The following ZBTB41 variants were observed in gnomAD, a reference collection of about 807,000 sequenced individuals.
ZBTB41 encodes zinc finger and BTB domain containing 41.
Under a neutral mutation model 87.6 loss-of-function variants are expected in ZBTB41, and 42 were observed. The ratio of observed to expected loss-of-function variants is 0.48; its 90% confidence interval spans 0.37 to 0.62. ZBTB41 has a LOEUF of 0.62. ZBTB41 is among the 20% of genes least tolerant of loss of function. The pLI, the probability that ZBTB41 is intolerant of heterozygous loss-of-function variation, is 0.00. For synonymous variants in ZBTB41, 364 were observed against 364.0 expected (o/e 1.00, Z 0.00); for missense variants, 799 against 1,078.9 (o/e 0.74, Z 3.63).
In ZBTB41 at chr1:197,176,569, T is replaced by A; in HGVS notation, c.1874A>T (p.His625Leu). 1 of 1,608,034 alleles carries A rather than the reference T, an allele frequency of 6.2e-7. No homozygotes were observed. Among genetic ancestry groups the A allele is most frequent in the Non-Finnish European group, 8.5e-7 (1 of 1,176,128 alleles). ...CATTACAAAATATGGTATACCTGAA[T>A]GTATTTTTTTGTGCTTTGTAAGGTG... is the stretch of plus-strand genomic sequence containing the variant. The part of the protein sequence containing the change: ...HDHLTKHKKI[H>L]SGEKAHQCEE... The change falls in exon 8 of 11, where the codon CAT (histidine) becomes CTT (leucine). Residue 625 changes from histidine to leucine, a missense_variant. His to Leu is a moderately conservative substitution (Grantham distance 99). Coordinates refer to ENST00000367405, the MANE Select transcript of ZBTB41 (RefSeq NM_194314.3).
chr1:197,172,235 A>G lies in ZBTB41; in HGVS notation c.1999T>C (p.Phe667Leu). The G allele has an allele frequency of 2.9e-6, 4 of 1,363,652 alleles. No individual in the cohort carries two copies. Among genetic ancestry groups the G allele is most frequent in the Non-Finnish European group, 3.9e-6 (4 of 1,027,380 alleles). The allele number at this position is 1,363,652 out of a possible 1,614,324, so 84.5% of individuals were successfully genotyped here. ...TTCTTACAAACATCACATTGATGAA[A>G]TGTTGCTTTATATCTAAGAAAATAA... is the stretch of plus-strand genomic sequence containing the variant. Reference protein sequence around the residue: ...EKVWQKYKATFHQCDVCKKIF... With the variant: ...EKVWQKYKATLHQCDVCKKIF... The change falls in exon 10 of 11, where the codon TTT becomes CTT. Residue 667 changes from phenylalanine (F) to leucine (L), a missense_variant. Phe to Leu is a conservative substitution (Grantham distance 22). This residue lies in a region of ZBTB41 where 198 missense variants were observed against 358.4 expected (regional missense o/e 0.55). Coordinates refer to ENST00000367405, the MANE Select transcript of ZBTB41 (RefSeq NM_194314.3).
At chr1:197,166,682 TA>T (rs35752770) in intron 10 of ZBTB41, among the ~76,000 whole-genome samples, 72,012 of 145,192 alleles carry the variant, frequency 0.5, 21,539 homozygotes, top group Middle Eastern at 0.74. Context: ...CATCTCTACT[TA>T]AAAAAAAAAA....
At position 197,181,051 on chromosome 1, in the gene ZBTB41, T is replaced by C; in HGVS notation, c.1613A>G (p.Glu538Gly). ...NDTGNLKRHI[E>G]CTHGGKRKWT... ...TTTTCTCTTTCCACCATGAGTACATTCTATATGACGTTTCAAATTTCCAGT... is the reference window on the plus strand; with the variant it reads ...TTTTCTCTTTCCACCATGAGTACATCCTATATGACGTTTCAAATTTCCAGT... The change falls in exon 6 of 11, where the codon GAA (glutamate) becomes GGA (glycine). Residue 538 changes from glutamate to glycine, a missense_variant. Physicochemically the swap from Glu to Gly is moderately conservative, Grantham distance 98. Transcript: ENST00000367405. 1.9e-6 allele frequency: 3 copies of C among 1,607,178 alleles called. No individual in the cohort carries two copies. The highest frequency in any genetic ancestry group is 2.5e-6 in the Non-Finnish European group (3 of 1,178,356).
At chr1:197,170,893 A>G (rs908020846) in intron 10 of ZBTB41, among the ~76,000 whole-genome samples, 1 of 152,130 alleles carries the variant, frequency 6.6e-6, no homozygotes, top group African/African-American at 2.4e-5. Flanking sequence ...CTCTCATTTC[A>G]TAATAGCCAT....
At chr1:197,187,979 A>G (rs1295250388) in intron 5 of ZBTB41, among the ~76,000 whole-genome samples, 4 of 152,186 alleles carry the variant, frequency 2.6e-5, no homozygotes, top group Admixed American at 1.3e-4. Flanking sequence ...AACACAAAAT[A>G]CAATACTAAG....
chr1:197,192,655 A>C (rs1325361932), intron 2 of ZBTB41, among the ~76,000 whole-genome samples: 2 of 152,178 alleles, frequency 1.3e-5, no homozygotes, highest in African/African-American at 4.8e-5. Flanking sequence ...GGTAACTCTT[A>C]ATTAAAAACT....
intron 2 of ZBTB41, among the ~76,000 whole-genome samples, chr1:197,195,714 C>T (rs1398378815): frequency 6.6e-6 from 1 of 152,098 alleles, no homozygotes; most frequent in Non-Finnish European, 1.5e-5. Context: ...CAAATTTTCT[C>T]TCTCACCCCA....
At chr1:197,198,395 G>T (rs562756157) in intron 2 of ZBTB41, among the ~76,000 whole-genome samples, 1 of 151,970 alleles carries the variant, frequency 6.6e-6, no homozygotes, top group African/African-American at 2.4e-5. Context: ...ACCAATTTCC[G>T]CCTATATCAA....
At chr1:197,185,441 T>C (rs940873864) in intron 5 of ZBTB41, among the ~76,000 whole-genome samples, 2 of 152,246 alleles carry the variant, frequency 1.3e-5, no homozygotes, top group South Asian at 2.1e-4. Context: ...CATTAAATAC[T>C]ATAGCGCATT....
chr1:197,199,169 AAATT>A (rs1660237008), intron 2 of ZBTB41, among the ~76,000 whole-genome samples, 181 bp downstream of exon 2: 1 of 152,170 alleles, frequency 6.6e-6, no homozygotes, highest in Non-Finnish European at 1.5e-5. Context: ...ATAAATACTT[AAATT>A]AATTCCTGAA....
intron 8 of ZBTB41, among the ~76,000 whole-genome samples, chr1:197,175,431 AAT>A (rs67302873): frequency 0.025 from 1,764 of 71,578 alleles, 104 homozygotes; most frequent in Middle Eastern, 0.083. Flanking sequence ...AGGAATTTTA[AAT>A]ATATATATAT....
intron 5 of ZBTB41, among the ~76,000 whole-genome samples, chr1:197,187,816 A>G (rs1394919354): frequency 6.6e-6 from 1 of 151,932 alleles, no homozygotes; most frequent in Non-Finnish European, 1.5e-5. Context: ...TGAGGTATCT[A>G]AAAAAAATGA....
chr1:197,164,787 TAA>T (rs1557975068), intron 10 of ZBTB41, among the ~76,000 whole-genome samples: 37 of 110,738 alleles, frequency 3.3e-4, no homozygotes, highest in Non-Finnish European at 4.3e-4. Flanking sequence ...ATATTATATA[TAA>T]TACATATATA....
chr1:197,196,066 C>G lies in ZBTB41; in HGVS notation c.1120+3288G>C, dbSNP rs1304972435. Among the ~76,000 whole-genome samples the G allele has an allele frequency of 3.3e-5, 5 of 152,110 alleles. No individual in the cohort carries two copies. In the East Asian group the frequency reaches 7.7e-4, roughly 23 times the overall value. ...AACTTTTCAACTTAGCTCAAATAAA[C>G]AAGTGCTTACTAAAAATTTATTTGA... is the stretch of plus-strand genomic sequence containing the variant. On this transcript the variant is annotated intron_variant, in intron 2 of 10. Transcript: ENST00000367405.
intron 4 of ZBTB41, among the ~76,000 whole-genome samples, chr1:197,188,760 G>A (rs1035554502): frequency 1.3e-5 from 2 of 151,982 alleles, no homozygotes; most frequent in African/African-American, 4.8e-5. Context: ...ACTTATGTCA[G>A]GAATAAAAGG....
rs1427547686 is a variant in ZBTB41, at chr1:197,159,056, T to TA, written c.*302dup. On this transcript the variant is annotated 3_prime_UTR_variant, in exon 11 of 11. Transcript: ENST00000367405. ...AAGAATAAAAATTTCCACTGATGAT[T>TA]AAAAAAAATACTTCCATAATATCAG... The TA allele has an allele frequency of 2.9e-5, 8 of 273,942 alleles. No individual in the cohort carries two copies. Among genetic ancestry groups the TA allele is most frequent in the Non-Finnish European group, 2.7e-5 (4 of 145,466 alleles). 17.0% of individuals were successfully genotyped at this position (273,942 alleles called of 1,614,324 possible).
chr1:197,159,699 G>A lies in ZBTB41; in HGVS notation c.2390C>T (p.Thr797Met), dbSNP rs1659154215. 2.5e-6 allele frequency: 4 copies of A among 1,613,962 alleles called. No individual in the cohort carries two copies. Among genetic ancestry groups the A allele is most frequent in the Non-Finnish European group, 3.4e-6 (4 of 1,179,918 alleles). ...TTCAGCAGATACATTCTGTAACATC[G>A]TCTTGGCTTCCGACTGATAAACTTT... Reference protein sequence around the residue: ...QPKVYQSEAKTMLQNVSAEVC... With the variant: ...QPKVYQSEAKMMLQNVSAEVC... Residue 797 changes from threonine (T) to methionine (M), a missense_variant, in exon 11 of 11, where the codon ACG becomes ATG. Thr to Met is a moderately conservative substitution (Grantham distance 81, BLOSUM62 -1). Around this residue, in one of 5 missense-constraint regions of ZBTB41, gnomAD observed 171 missense variants for 191.9 expected, o/e 0.89. Transcript: ENST00000367405.
intron 1 of ZBTB41, among the ~76,000 whole-genome samples, chr1:197,200,942 C>A (rs1412185678): frequency 6.6e-6 from 1 of 152,150 alleles, no homozygotes; most frequent in Admixed American, 6.5e-5. Context: ...GACAATAAGG[C>A]CGTGGCGGCC....
rs529683242 is a variant in ZBTB41 at position 197,186,797 on chromosome 1, G to A, written c.1546+1495C>T. On this transcript the variant is annotated intron_variant, in intron 5 of 10. Transcript: ENST00000367405. ...GAGAATCACTTGAACCTGGGAGGTGGAGGTTGCAGTAAGCCAAGATTGCGC... is the reference window on the plus strand; with the variant it reads ...GAGAATCACTTGAACCTGGGAGGTGAAGGTTGCAGTAAGCCAAGATTGCGC... 6.6e-5 allele frequency among the ~76,000 whole-genome samples: 10 copies of A among 152,226 alleles called. No homozygotes were observed. In the South Asian group the frequency reaches 2.1e-3, roughly 32 times the overall value.
Sources: allele counts gnomAD v4.1 joint callset (sites outside exome capture counted in the v4.1 genomes callset), GRCh38; gene constraint gnomAD v4.1.1; regional missense constraint gnomAD v4.1.1; transcripts MANE v1.5; gene names NCBI Gene and HGNC (gene_info 2026-07-23, HGNC 2026-07-21).